The following TLK2 variants were observed in gnomAD, a reference collection of about 807,000 sequenced individuals.
TLK2 encodes the protein serine/threonine-protein kinase tousled-like 2.
TLK2 carries 6 observed loss-of-function variants against 117.3 expected under a neutral mutation model. The ratio of observed to expected loss-of-function variants is 0.05; its 90% confidence interval spans 0.03 to 0.10. TLK2 has a LOEUF of 0.10. Ranked by LOEUF, TLK2 falls within the 10% of genes least tolerant of loss-of-function variation. TLK2 has a pLI of 1.00. For synonymous variants in TLK2, 257 were observed against 316.7 expected (o/e 0.81, Z 2.00); for missense variants, 299 against 901.2 (o/e 0.33, Z 8.56).
At chr17:62,477,406 G>A (rs1470725000), upstream of TLK2, 1 of 152,196 alleles carries the variant, frequency 6.6e-6, no homozygotes, top group Non-Finnish European at 1.5e-5. Flanking sequence ...GTTTAATGAA[G>A]TTTTTCCACA....
At chr17:62,512,226 T>C (rs1162906280) in intron 2 of TLK2, among the ~76,000 whole-genome samples, 1 of 143,696 alleles carries the variant, frequency 7.0e-6, no homozygotes, top group Non-Finnish European at 1.5e-5. Context: ...TTTTTTTTTT[T>C]TTTTTTTTTT....
At chr17:62,490,606 A>G (rs2073010684) in intron 2 of TLK2, among the ~76,000 whole-genome samples, 1 of 152,074 alleles carries the variant, frequency 6.6e-6, no homozygotes, top group African/African-American at 2.4e-5. Context: ...CAATGGCATG[A>G]TCTCGGCTCA....
chr17:62,571,619 T>C (rs1295613757), intron 11 of TLK2, among the ~76,000 whole-genome samples: 1 of 152,240 alleles, frequency 6.6e-6, no homozygotes, highest in Admixed American at 6.5e-5. Flanking sequence ...ACCTGGCTCA[T>C]CTTGAAGCCA....
At chr17:62,584,199 C>G (rs971366980) in intron 15 of TLK2, among the ~76,000 whole-genome samples, 5 of 146,124 alleles carry the variant, frequency 3.4e-5, no homozygotes, top group African/African-American at 1.3e-4. Flanking sequence ...TCACTGCAAC[C>G]TCTGCCTCCC....
At chr17:62,473,921 A>G (rs540868126), upstream of TLK2, among the ~76,000 whole-genome samples, 2 of 152,120 alleles carry the variant, frequency 1.3e-5, no homozygotes, top group Admixed American at 1.3e-4. Context: ...TTTTTGAGAC[A>G]GAATCTCACT....
chr17:62,522,510 TA>T, intron 4 of TLK2, among the ~76,000 whole-genome samples: 1 of 152,210 alleles, frequency 6.6e-6, no homozygotes, highest in East Asian at 1.9e-4. Context: ...ACAATCTTCT[TA>T]ACCACAGGTT....
rs201542232 is a variant in TLK2 at position 62,481,101 on chromosome 17, G to A, written c.-5-20G>A. On this transcript the variant is annotated intron_variant, in intron 1 of 21. Coordinates refer to ENST00000346027, the MANE Select transcript of TLK2 (RefSeq NM_006852.6). Reference sequence around the variant, plus strand: ...ACATTTTAGTGTTTATGGTTTCACAGCCTACTTTTTCTTTTTCAGCAGAAA... The same window carrying A: ...ACATTTTAGTGTTTATGGTTTCACAACCTACTTTTTCTTTTTCAGCAGAAA... 6 of 1,612,780 alleles carry A rather than the reference G, an allele frequency of 3.7e-6. No individual in the cohort carries two copies. The East Asian group carries it at 1.1e-4, about 30-fold the overall frequency.
At chr17:62,527,046 G>T (rs1186432860) in intron 6 of TLK2, among the ~76,000 whole-genome samples, 2 of 152,136 alleles carry the variant, frequency 1.3e-5, no homozygotes. Context: ...TCTCCTTCAT[G>T]CCACTGCAGC....
At position 62,573,199 on chromosome 17, in the gene TLK2, T is replaced by C. The variant is rs73333614; in HGVS notation, c.969-16T>C. The C allele has an allele frequency of 1.9e-6, 3 of 1,605,034 alleles. No individual in the cohort carries two copies. The highest frequency in any genetic ancestry group is 2.6e-6 in the Non-Finnish European group (3 of 1,175,706). On this transcript the variant is annotated splice_polypyrimidine_tract_variant and intron_variant, in intron 11 of 21. Coordinates refer to ENST00000346027, the MANE Select transcript of TLK2 (RefSeq NM_006852.6). The stretch of plus-strand genomic sequence containing the variant: ...TTTGACTTTCTTTCTTTGTACAACG[T>C]CTTTTATATCTCTAGGCAACAGGAA...
chr17:62,497,985 C>T (rs560071280), intron 2 of TLK2, among the ~76,000 whole-genome samples: 9 of 152,136 alleles, frequency 5.9e-5, no homozygotes, highest in African/African-American at 1.2e-4. Flanking sequence ...TGTGAGCCAC[C>T]GTGCCCAGCC....
intron 19 of TLK2, among the ~76,000 whole-genome samples, chr17:62,604,256 C>T (rs1255477611): frequency 6.6e-6 from 1 of 152,108 alleles, no homozygotes; most frequent in Non-Finnish European, 1.5e-5. Flanking sequence ...ATCCACCCGC[C>T]TCGGCCTCCC....
intron 2 of TLK2, among the ~76,000 whole-genome samples, chr17:62,491,802 T>A (rs2073137786): frequency 6.6e-6 from 1 of 152,174 alleles, no homozygotes; most frequent in Non-Finnish European, 1.5e-5. Flanking sequence ...GCCAGGATGG[T>A]CTCGATCTCC....
At chr17:62,568,376 G>A (rs2146512513) in intron 11 of TLK2, among the ~76,000 whole-genome samples, 1 of 147,696 alleles carries the variant, frequency 6.8e-6, no homozygotes, top group East Asian at 2.0e-4. Context: ...AGGTTGCAGT[G>A]AGCCAAGATT....
chr17:62,524,041 C>G (rs1368881819), intron 5 of TLK2, among the ~76,000 whole-genome samples, 195 bp from the exon 6 acceptor site: 3 of 151,830 alleles, frequency 2.0e-5, no homozygotes, highest in Middle Eastern at 3.4e-3. Flanking sequence ...TATATTTCTG[C>G]TGGAGCTCCT....
chr17:62,577,979 G>A (rs375691284), intron 13 of TLK2, among the ~76,000 whole-genome samples: 5 of 152,150 alleles, frequency 3.3e-5, no homozygotes, highest in Admixed American at 1.3e-4. Context: ...CCTGGGAGGC[G>A]GAGGTTGCAG....
chr17:62,553,950 AT>A (rs2078661794), intron 9 of TLK2, among the ~76,000 whole-genome samples, 195 bp downstream of exon 9: 1 of 152,196 alleles, frequency 6.6e-6, no homozygotes, highest in Non-Finnish European at 1.5e-5. Flanking sequence ...TAAATTGGAA[AT>A]CTTATACTGT....
chr17:62,609,113 ACT>A (rs764918377), intron 21 of TLK2, among the ~76,000 whole-genome samples: 1 of 151,980 alleles, frequency 6.6e-6, no homozygotes, highest in Non-Finnish European at 1.5e-5. Context: ...ACAGAGTCTC[ACT>A]CTGTCACCGT....
intron 6 of TLK2, among the ~76,000 whole-genome samples, chr17:62,532,122 G>A (rs1598411641): frequency 6.6e-6 from 1 of 152,242 alleles, no homozygotes; most frequent in Middle Eastern, 3.4e-3. Flanking sequence ...CTTAGATTTT[G>A]CTCTGGCAGA....
Position 62,576,702 on chromosome 17 carries a change from T to A in TLK2, c.1122-7T>A. The A allele has an allele frequency of 6.2e-7, 1 of 1,611,358 alleles. No homozygotes were observed. The highest frequency in any genetic ancestry group is 8.5e-7 in the Non-Finnish European group (1 of 1,178,354). The stretch of plus-strand genomic sequence containing the variant: ...AGTTTACTGAAACTTTTACCACTGT[T>A]TTTCAGGTTAACGTTAGCAGAATAC... On this transcript the variant is annotated splice_polypyrimidine_tract_variant and splice_region_variant and intron_variant, in intron 12 of 21. Coordinates refer to ENST00000346027, the MANE Select transcript of TLK2 (RefSeq NM_006852.6).
Sources: gnomAD v4.1 joint callset for allele counts (sites outside exome capture counted in the v4.1 genomes callset) on GRCh38, gnomAD v4.1.1 for gene constraint, MANE v1.5 for transcripts, NCBI Gene and HGNC (gene_info 2026-07-23, HGNC 2026-07-21) for gene names.